XKR9: variants seen among roughly 807,000 people sequenced by gnomAD.
XKR9 encodes the protein XK related 9.
A neutral mutation model predicts 32.0 loss-of-function variants in XKR9; 32 were observed. The observed-to-expected ratio is 1.00, with a 90% CI of 0.76 to 1.34. The LOEUF is 1.34. Among genes scored for constraint, XKR9 ranks in the 40% most tolerant of loss-of-function variants. The pLI is 0.00. For missense variants in XKR9, 546 were observed against 429.7 expected (o/e 1.27, Z -2.39); for synonymous variants, 168 against 143.4 (o/e 1.17, Z -1.22).
chr8:70,699,867 A>C (rs1805452145), intron 3 of XKR9, among the ~76,000 whole-genome samples: 1 of 152,126 alleles, frequency 6.6e-6, no homozygotes, highest in Non-Finnish European at 1.5e-5. Flanking sequence ...TATTTCTTGG[A>C]GGCTTTGTTC....
chr8:71,021,790 C>T, the XKR9 span, among the ~76,000 whole-genome samples: 4 of 152,178 alleles, frequency 2.6e-5, no homozygotes, highest in South Asian at 6.2e-4. Flanking sequence ...CGTGAGCCAC[C>T]GCGCCCGGCC....
chr8:71,011,387 T>G, the XKR9 span, among the ~76,000 whole-genome samples: 1 of 152,304 alleles, frequency 6.6e-6, no homozygotes, highest in African/African-American at 2.4e-5. Flanking sequence ...CCAAATACTT[T>G]CAAATTTTAT....
chr8:70,959,597 G>A, the XKR9 span, among the ~76,000 whole-genome samples: 1 of 152,182 alleles, frequency 6.6e-6, no homozygotes, highest in African/African-American at 2.4e-5. Flanking sequence ...TGGACTTGCT[G>A]ACTTATGCAT....
chr8:70,768,751 G>C, intron 2 of XKR9, among the ~76,000 whole-genome samples: 1 of 104,502 alleles, frequency 9.6e-6, no homozygotes, highest in African/African-American at 3.2e-5. Context: ...TGAAACCCCT[G>C]CTTTTTTTTT....
intron 3 of XKR9, among the ~76,000 whole-genome samples, chr8:70,693,062 A>G (rs1381636283): frequency 6.6e-6 from 1 of 152,144 alleles, no homozygotes; most frequent in East Asian, 1.9e-4. Context: ...TGTTGAATCA[A>G]CCTTGCATCC....
chr8:70,811,902 A>C, the XKR9 span, among the ~76,000 whole-genome samples: 1,313 of 152,126 alleles, frequency 8.6e-3, 8 homozygotes, highest in South Asian at 0.023. Flanking sequence ...AACTATTCCA[A>C]TCAATAGAAA....
intron 2 of XKR9, among the ~76,000 whole-genome samples, chr8:70,741,472 C>T (rs531086366): frequency 2.0e-5 from 3 of 152,310 alleles, no homozygotes; most frequent in South Asian, 2.1e-4. Flanking sequence ...GACTGAGACA[C>T]ATGTAAGTGT....
the XKR9 span, among the ~76,000 whole-genome samples, chr8:70,908,264 G>A: frequency 0.022 from 3,336 of 152,178 alleles, 135 homozygotes; most frequent in African/African-American, 0.076. Flanking sequence ...TATACAGAAA[G>A]GAAATTTTAT....
the XKR9 span, among the ~76,000 whole-genome samples, chr8:71,050,254 TATATATAGATAGATAGATAG>T: frequency 5.8e-4 from 72 of 125,164 alleles, no homozygotes; most frequent in Non-Finnish European, 9.6e-4. Context: ...TATATATATA[TATATATAGATAGATAGATAG>T]ATATAGATAT....
chr8:70,905,551 G>A, the XKR9 span, among the ~76,000 whole-genome samples: 1 of 152,066 alleles, frequency 6.6e-6, no homozygotes, highest in Non-Finnish European at 1.5e-5. Flanking sequence ...TAGCTTCCTT[G>A]TGATGAGTTC....
intron 3 of XKR9, among the ~76,000 whole-genome samples, chr8:70,697,416 G>A (rs1223010155): frequency 6.6e-6 from 1 of 151,170 alleles, no homozygotes; most frequent in Non-Finnish European, 1.5e-5. Flanking sequence ...TTTGTCAAAG[G>A]CCTTTTCTGC....
the XKR9 span, among the ~76,000 whole-genome samples, chr8:70,966,002 A>T: frequency 2.0e-5 from 3 of 151,958 alleles, no homozygotes; most frequent in African/African-American, 7.3e-5. Flanking sequence ...TTTAGTTGCG[A>T]TCTTAGGTTG....
At chr8:70,933,490 G>A in the XKR9 span, among the ~76,000 whole-genome samples, 2 of 151,870 alleles carry the variant, frequency 1.3e-5, no homozygotes, top group Admixed American at 1.3e-4. Flanking sequence ...AGATTTAGGA[G>A]AAGATTTCTT....
the XKR9 span, among the ~76,000 whole-genome samples, chr8:71,046,646 A>G: frequency 6.6e-6 from 1 of 152,194 alleles, no homozygotes; most frequent in African/African-American, 2.4e-5. Context: ...TTTTTGTACA[A>G]TTAGTTACCT....
At chr8:70,706,092 CAG>C (rs1272552659) in intron 3 of XKR9, among the ~76,000 whole-genome samples, 8 of 152,238 alleles carry the variant, frequency 5.3e-5, no homozygotes, top group South Asian at 2.1e-4. Flanking sequence ...CAGGTTGAAA[CAG>C]GGCATATATC....
chr8:70,744,061 A>T (rs1807024227), intron 2 of XKR9, among the ~76,000 whole-genome samples: 1 of 152,142 alleles, frequency 6.6e-6, no homozygotes, highest in Non-Finnish European at 1.5e-5. Context: ...TCTTTCTGCC[A>T]GCACTTTGGG....
At chr8:70,831,614 C>CTT in the XKR9 span, among the ~76,000 whole-genome samples, 2 of 152,072 alleles carry the variant, frequency 1.3e-5, no homozygotes, top group Non-Finnish European at 2.9e-5. Context: ...GATATTTGCA[C>CTT]TATCAGTCAC....
intron 3 of XKR9, chr8:70,683,493 CTTT>C (rs747802158): frequency 9.5e-5 from 35 of 369,282 alleles, no homozygotes; most frequent in Middle Eastern, 8.6e-4. Flanking sequence ...AATTACTTTT[CTTT>C]TTTTTTTTTG....
At chr8:70,975,562 T>A in the XKR9 span, among the ~76,000 whole-genome samples, 1 of 152,078 alleles carries the variant, frequency 6.6e-6, no homozygotes, top group Non-Finnish European at 1.5e-5. Flanking sequence ...AGATGTGTGG[T>A]GTTATTTCTG....
Sources: gnomAD v4.1 joint callset for allele counts (sites outside exome capture counted in the v4.1 genomes callset) on GRCh38, gnomAD v4.1.1 for gene constraint, MANE v1.5 for transcripts, NCBI Gene and HGNC (gene_info 2026-07-23, HGNC 2026-07-21) for gene names.